Variants in HTR3C observed in about 807,000 individuals in gnomAD.
The protein encoded by HTR3C is 5-hydroxytryptamine receptor 3C.
HTR3C carries 32 observed loss-of-function variants against 40.5 expected under a neutral mutation model. The observed-to-expected ratio is 0.79, with a 90% CI of 0.60 to 1.06. The LOEUF is 1.06. HTR3C is among the 50% of genes least tolerant of loss of function. The pLI, the probability that HTR3C is intolerant of heterozygous loss-of-function variation, is 0.00. For missense variants in HTR3C, 523 were observed against 556.8 expected (o/e 0.94, Z 0.61); for synonymous variants, 209 against 217.1 (o/e 0.96, Z 0.33).
chr3:184,060,662 A>C lies in HTR3C; in HGVS notation c.*310A>C. ...CCTTGATTGATCACCCCAATAAACA[A>C]CTTTCCAGGAAGCACTGGCTCTTCA... On this transcript the variant is annotated 3_prime_UTR_variant, in exon 9 of 9. Coordinates refer to ENST00000318351, the MANE Select transcript of HTR3C (RefSeq NM_130770.3). The C allele has an allele frequency of 8.2e-6, 3 of 367,274 alleles. No individual in the cohort carries two copies. Among genetic ancestry groups the C allele is most frequent in the African/African-American group, 2.1e-5 (1 of 48,346 alleles). The allele number at this position is 367,274 out of a possible 1,614,324, so 22.8% of individuals were successfully genotyped here.
At chr3:184,057,291 C>T (rs575588971) in intron 5 of HTR3C, among the ~76,000 whole-genome samples, 1 of 152,160 alleles carries the variant, frequency 6.6e-6, no homozygotes, top group East Asian at 1.9e-4. Context: ...TAGTGAGACC[C>T]CCATCTCTAC....
At chr3:184,053,463 C>T (rs6801865) in intron 1 of HTR3C, among the ~76,000 whole-genome samples, 110,114 of 152,028 alleles carry the variant, frequency 0.72, 40,874 homozygotes, top group African/African-American at 0.89. Context: ...TTTCTCCTGA[C>T]ATGATATCTA....
intron 6 of HTR3C, among the ~76,000 whole-genome samples, chr3:184,059,205 C>T (rs545975510): frequency 2.8e-4 from 43 of 152,276 alleles, no homozygotes; most frequent in African/African-American, 9.9e-4. Flanking sequence ...AAAGGGCCCA[C>T]TTGCACCTAA....
At chr3:184,056,129 G>A in intron 3 of HTR3C, 48 bp from the exon 4 acceptor site, 1 of 1,255,606 alleles carries the variant, frequency 8.0e-7, no homozygotes. Context: ...GAGGCCGACA[G>A]GACAAGCTCA....
intron 6 of HTR3C, 105 bp from the exon 7 acceptor site, chr3:184,059,331 C>T (rs1723393596): frequency 2.1e-6 from 2 of 949,646 alleles, no homozygotes; most frequent in Non-Finnish European, 3.3e-6. Flanking sequence ...TTAAAAAGAT[C>T]GTCCCCAGCA....
chr3:184,055,452 G>A (rs533001863), intron 3 of HTR3C, 96 bp downstream of exon 3: 14 of 927,338 alleles, frequency 1.5e-5, no homozygotes, highest in East Asian at 1.5e-4. Flanking sequence ...AGTGGCTCAC[G>A]CCTGTAATCC....
chr3:184,060,521 G>A lies in HTR3C; in HGVS notation c.*169G>A. On this transcript the variant is annotated 3_prime_UTR_variant, in exon 9 of 9. Coordinates refer to ENST00000318351, the MANE Select transcript of HTR3C (RefSeq NM_130770.3). ...TAGCAAGCAGGTTCGGGACAGCCCT[G>A]GACGATTTCCCGACCGCTGCTCAGG... is the stretch of plus-strand genomic sequence containing the variant. 2.5e-6 allele frequency: 2 copies of A among 814,156 alleles called. No homozygotes were observed. Among genetic ancestry groups the A allele is most frequent in the Non-Finnish European group, 1.9e-6 (1 of 514,132 alleles). The allele number at this position is 814,156 out of a possible 1,614,324, so 50.4% of individuals were successfully genotyped here.
chr3:184,057,145 C>T (rs1459851540), intron 5 of HTR3C, 101 bp downstream of exon 5: 14 of 813,206 alleles, frequency 1.7e-5, no homozygotes, highest in East Asian at 1.1e-4. Flanking sequence ...TGCTCCACTC[C>T]GGTGGCCTAA....
In HTR3C at chr3:184,059,753, G is replaced by C. The variant is rs962858900; in HGVS notation, c.926-75G>C. On this transcript the variant is annotated intron_variant, in intron 7 of 8. Coordinates refer to ENST00000318351, the MANE Select transcript of HTR3C (RefSeq NM_130770.3). ...AAGGAAGGGGCTGTGAAAGAAGATT[G>C]GATTTAGGAAAGAGGCGTGAGGAAT... The C allele has an allele frequency of 3.8e-6, 6 of 1,594,610 alleles. No homozygotes were observed. In the Admixed American group the frequency reaches 8.3e-5, roughly 22 times the overall value.
chr3:184,055,125 A>G (rs1312960791), intron 2 of HTR3C, among the ~76,000 whole-genome samples, 187 bp from the exon 3 acceptor site: 1 of 152,200 alleles, frequency 6.6e-6, no homozygotes, highest in African/African-American at 2.4e-5. Flanking sequence ...CTCTAGAAAA[A>G]AGTAGTCTGT....
rs541646380 is a variant in HTR3C at position 184,057,460 on chromosome 3, C to T, written c.559+416C>T. On this transcript the variant is annotated intron_variant, in intron 5 of 8. Transcript: ENST00000318351. ...TTTTTAAAACAAAAAACAGGCAGGG[C>T]GCAGTGGCTCACGCCTGTAATCCCA... 7.2e-5 allele frequency among the ~76,000 whole-genome samples: 11 copies of T among 151,994 alleles called. No homozygotes were observed. The East Asian group carries it at 1.4e-3, about 19-fold the overall frequency.
chr3:184,055,500 G>A, intron 3 of HTR3C, 144 bp downstream of exon 3: 4 of 633,310 alleles, frequency 6.3e-6, no homozygotes, highest in Non-Finnish European at 2.9e-6. Context: ...GATCACCTGA[G>A]GTCAGGAGTT....
chr3:184,058,730 C>A (rs1022355045), intron 6 of HTR3C, 143 bp downstream of exon 6: 2 of 831,798 alleles, frequency 2.4e-6, no homozygotes, highest in Admixed American at 3.5e-5. Flanking sequence ...TTTGGGAGGC[C>A]GAGGGAGGCG....
At chr3:184,053,213 G>A in intron 1 of HTR3C, 66 bp downstream of exon 1, 1 of 1,092,872 alleles carries the variant, frequency 9.2e-7, no homozygotes, top group Non-Finnish European at 1.4e-6. Flanking sequence ...CTCACCTCTA[G>A]CACTTGGAGG....
chr3:184,059,331 C>G, intron 6 of HTR3C, 105 bp from the exon 7 acceptor site: 1 of 949,650 alleles, frequency 1.1e-6, no homozygotes, highest in East Asian at 2.6e-5. Flanking sequence ...TTAAAAAGAT[C>G]GTCCCCAGCA....
At chr3:184,059,270 C>G (rs924047313) in intron 6 of HTR3C, among the ~76,000 whole-genome samples, 166 bp from the exon 7 acceptor site, 1 of 152,192 alleles carries the variant, frequency 6.6e-6, no homozygotes, top group Non-Finnish European at 1.5e-5. Flanking sequence ...AATTAGACAA[C>G]AAATCAGAGG....
In HTR3C at chr3:184,060,243, T is replaced by C. The variant is rs143741187; in HGVS notation, c.1235T>C (p.Met412Thr). The change falls in exon 9 of 9, where the codon ATG becomes ACG. Residue 412 changes from methionine to threonine, a missense_variant. Physicochemically the swap from Met to Thr is moderately conservative, Grantham distance 81. Transcript: ENST00000318351. ...GGSGWTKTQL[M>T]ELWVQFSHAM... ...TCAGGATGGACAAAGACCCAGCTAA[T>C]GGAGCTGTGGGTGCAGTTCAGCCAC... 4.0e-4 allele frequency: 653 copies of C among 1,614,140 alleles called. 3 individuals carry two copies. The African/African-American group carries it at 7.6e-3, about 19-fold the overall frequency.
rs1560082527 is a variant in HTR3C at position 184,060,175 on chromosome 3, A to G, written c.1167A>G (p.Ala389=). 5 of 1,613,996 alleles carry G rather than the reference A, an allele frequency of 3.1e-6. No homozygotes were observed. The highest frequency in any genetic ancestry group is 1.3e-5 in the African/African-American group (1 of 74,914). The part of the protein sequence containing the change: ...LPGPKEPGEL[A]GKKLGPRETE... ...GCCCAAAGGAGCCGGGGGAGTTAGC[A>G]GGGAAGAAGCTGGGACCCAGAGAGA... The change falls in exon 9 of 9, where the codon GCA becomes GCG. Residue 389 remains alanine (A), a synonymous_variant. Coordinates refer to ENST00000318351, the MANE Select transcript of HTR3C (RefSeq NM_130770.3).
chr3:184,056,033 C>T, intron 3 of HTR3C, 144 bp from the exon 4 acceptor site: 1 of 576,768 alleles, frequency 1.7e-6, no homozygotes, highest in Non-Finnish European at 3.1e-6. Context: ...CTTGTTAAAT[C>T]AAGAATGGGG....
Sources: allele counts gnomAD v4.1 joint callset (sites outside exome capture counted in the v4.1 genomes callset), GRCh38; gene constraint gnomAD v4.1.1; transcripts MANE v1.5; gene names NCBI Gene and HGNC (gene_info 2026-07-23, HGNC 2026-07-21).